Variants in NBAS observed in about 807,000 individuals in gnomAD.
NBAS encodes NBAS subunit of NRZ tethering complex, also known as NAG/BC035112 fusion.
In NBAS, 219 loss-of-function variants were observed where a neutral mutation model predicts 302.5. That is an observed-to-expected ratio of 0.72 (90% CI 0.65 to 0.81). The LOEUF (loss-of-function observed/expected upper bound fraction) is 0.81, where lower values mean the gene tolerates loss of function less well. Ranked by LOEUF, NBAS falls within the 30% of genes least tolerant of loss-of-function variation. The probability of loss-of-function intolerance (pLI) is 0.00; values close to 1 mark genes in which losing one functional copy is unlikely to be tolerated. For missense variants in NBAS, 2,932 were observed against 2,841.6 expected (o/e 1.03, Z -0.72); for synonymous variants, 1,118 against 1,021.6 (o/e 1.09, Z -1.80).
chr2:15,546,192 C>A (rs963647405), intron 6 of NBAS, among the ~76,000 whole-genome samples: 47 of 151,908 alleles, frequency 3.1e-4, no homozygotes, highest in African/African-American at 1.1e-3. Context: ...TCTACAGTAA[C>A]AGGTACAGGA....
chr2:15,440,366 T>C (rs553221566), intron 21 of NBAS, among the ~76,000 whole-genome samples: 2 of 152,334 alleles, frequency 1.3e-5, no homozygotes, highest in East Asian at 3.9e-4. Flanking sequence ...ACCGCTATTC[T>C]GCAGACACCG....
intron 21 of NBAS, among the ~76,000 whole-genome samples, chr2:15,460,474 T>C (rs1303761318): frequency 6.6e-6 from 1 of 152,222 alleles, no homozygotes; most frequent in African/African-American, 2.4e-5. Flanking sequence ...CTCTATTCAG[T>C]AACTGACCTA....
intron 38 of NBAS, among the ~76,000 whole-genome samples, chr2:15,314,623 G>A (rs1375612575): frequency 1.3e-5 from 2 of 152,030 alleles, no homozygotes; most frequent in South Asian, 2.1e-4. Flanking sequence ...GAATTCTGGC[G>A]GTCCCTTATA....
At chr2:15,137,378 C>T in the NBAS span, among the ~76,000 whole-genome samples, 1 of 152,130 alleles carries the variant, frequency 6.6e-6, no homozygotes, top group Non-Finnish European at 1.5e-5. Context: ...TGATTGTCTG[C>T]TGAAAACTGC....
At chr2:15,037,358 C>T in the NBAS span, among the ~76,000 whole-genome samples, 128 of 152,238 alleles carry the variant, frequency 8.4e-4, 1 homozygote, top group Middle Eastern at 3.4e-3. Flanking sequence ...TGTCCCCACC[C>T]GCAAGGCAGG....
At chr2:15,013,159 G>A in the NBAS span, among the ~76,000 whole-genome samples, 2 of 152,144 alleles carry the variant, frequency 1.3e-5, no homozygotes, top group Non-Finnish European at 2.9e-5. Flanking sequence ...CGCCTGGCCA[G>A]ACTGAGGAAA....
chr2:14,936,543 G>A, the NBAS span, among the ~76,000 whole-genome samples: 1 of 152,216 alleles, frequency 6.6e-6, no homozygotes, highest in Non-Finnish European at 1.5e-5. Flanking sequence ...GTTCTACAGA[G>A]GGCATGTGGA....
At chr2:14,912,703 TA>T in the NBAS span, among the ~76,000 whole-genome samples, 206 of 78,552 alleles carry the variant, frequency 2.6e-3, no homozygotes, top group South Asian at 9.3e-3. Context: ...CATTCATTTT[TA>T]AAAAAAAAAA....
At chr2:14,975,116 A>G in the NBAS span, among the ~76,000 whole-genome samples, 3 of 152,140 alleles carry the variant, frequency 2.0e-5, no homozygotes, top group South Asian at 6.2e-4. Context: ...AACAACCTGA[A>G]TGAACCTAGA....
chr2:15,375,466 G>A (rs1031191342), intron 30 of NBAS, among the ~76,000 whole-genome samples: 1 of 152,156 alleles, frequency 6.6e-6, no homozygotes, highest in Non-Finnish European at 1.5e-5. Flanking sequence ...CAGATCACGA[G>A]ATGCAGGTAT....
chr2:15,358,548 A>C (rs755974632), intron 32 of NBAS, among the ~76,000 whole-genome samples: 3 of 152,186 alleles, frequency 2.0e-5, no homozygotes, highest in African/African-American at 7.2e-5. Flanking sequence ...AGGTTCAAGC[A>C]ATCCTCCCAC....
chr2:15,189,716 A>C (rs553010933), intron 49 of NBAS, among the ~76,000 whole-genome samples: 1 of 152,284 alleles, frequency 6.6e-6, no homozygotes, highest in East Asian at 1.9e-4. Context: ...GGGGCTGTGA[A>C]GGTAGCCAGC....
At chr2:14,810,409 A>G in the NBAS span, among the ~76,000 whole-genome samples, 49 of 152,296 alleles carry the variant, frequency 3.2e-4, no homozygotes, top group African/African-American at 1.2e-3. Context: ...TGGTTTTACA[A>G]AAGGGAGTTT....
intron 7 of NBAS, among the ~76,000 whole-genome samples, chr2:15,537,200 G>A (rs896271404): frequency 5.9e-5 from 9 of 152,122 alleles, no homozygotes; most frequent in Admixed American, 6.5e-5. Flanking sequence ...ATCAACAGAC[G>A]CAGGAAAAAT....
At chr2:15,383,146 T>G in intron 29 of NBAS, 69 bp downstream of exon 29, 2 of 1,312,950 alleles carry the variant, frequency 1.5e-6, no homozygotes, top group Non-Finnish European at 2.2e-6. Flanking sequence ...TCATCAATCT[T>G]GTATCCAATA....
chr2:14,795,518 T>G, the NBAS span, among the ~76,000 whole-genome samples: 3 of 151,706 alleles, frequency 2.0e-5, no homozygotes, highest in Non-Finnish European at 4.4e-5. Context: ...TCAGATATAA[T>G]TTGCAAATAA....
At chr2:15,350,167 T>C (rs1037760098) in intron 35 of NBAS, among the ~76,000 whole-genome samples, 5 of 152,154 alleles carry the variant, frequency 3.3e-5, no homozygotes, top group African/African-American at 1.2e-4. Flanking sequence ...AAAAGCTAAG[T>C]ATCTTTGCCC....
chr2:15,446,154 C>T (rs1678729567), intron 21 of NBAS, among the ~76,000 whole-genome samples: 2 of 151,322 alleles, frequency 1.3e-5, no homozygotes, highest in Non-Finnish European at 2.9e-5. Context: ...GAAATAATGA[C>T]CATAAATTTC....
chr2:15,076,611 C>A, the NBAS span, among the ~76,000 whole-genome samples: 4 of 152,154 alleles, frequency 2.6e-5, no homozygotes, highest in Non-Finnish European at 4.4e-5. Context: ...CATGTCACTG[C>A]GGCATTGAGC....
Sources: gnomAD v4.1 joint callset for allele counts (sites outside exome capture counted in the v4.1 genomes callset) on GRCh38, gnomAD v4.1.1 for gene constraint, MANE v1.5 for transcripts, NCBI Gene and HGNC (gene_info 2026-07-23, HGNC 2026-07-21) for gene names.